AKAP6: variants seen among roughly 807,000 people sequenced by gnomAD.
The protein encoded by AKAP6 is A-kinase anchor protein 6.
AKAP6 carries 58 observed loss-of-function variants against 188.5 expected under a neutral mutation model. The ratio of observed to expected loss-of-function variants is 0.31; its 90% CI spans 0.25 to 0.38. The LOEUF (loss-of-function observed/expected upper bound fraction) is 0.38. Ranked by LOEUF, AKAP6 falls within the 10% of genes least tolerant of loss-of-function variation. The pLI, the probability that AKAP6 is intolerant of heterozygous loss-of-function variation, is 1.00. For missense variants in AKAP6, 2,710 were observed against 2,740.0 expected, an observed-to-expected ratio of 0.99 and a Z score of 0.24; for synonymous variants, 989 against 998.6, an observed-to-expected ratio of 0.99 and a Z score of 0.18.
intron 1 of AKAP6, among the ~76,000 whole-genome samples, chr14:32,348,728 T>G (rs566073364): frequency 1.3e-5 from 2 of 152,284 alleles, no homozygotes; most frequent in East Asian, 1.9e-4. Flanking sequence ...GTGTTTCTTT[T>G]GCAGTGCTTT....
At chr14:32,793,745 A>T (rs993518328) in intron 12 of AKAP6, among the ~76,000 whole-genome samples, 3 of 151,958 alleles carry the variant, frequency 2.0e-5, no homozygotes, top group Admixed American at 2.0e-4. Context: ...ATCAACGATT[A>T]AAAAAGACAA....
chr14:32,583,438 G>A (rs1390341713), intron 5 of AKAP6, among the ~76,000 whole-genome samples: 3 of 152,208 alleles, frequency 2.0e-5, no homozygotes, highest in African/African-American at 4.8e-5. Context: ...CGGGGGTCAG[G>A]GGTCAGGGAC....
At chr14:32,390,918 C>T (rs184998243) in intron 1 of AKAP6, among the ~76,000 whole-genome samples, 14 of 152,232 alleles carry the variant, frequency 9.2e-5, no homozygotes, top group South Asian at 2.1e-4. Context: ...GCCTCCTGTC[C>T]GCCATGATCC....
intron 7 of AKAP6, among the ~76,000 whole-genome samples, chr14:32,632,715 A>G (rs950260838): frequency 6.6e-6 from 1 of 152,100 alleles, no homozygotes; most frequent in African/African-American, 2.4e-5. Flanking sequence ...GAGCAGGGGC[A>G]AGAGACTGGG....
chr14:32,365,759 A>G (rs1887812454), intron 1 of AKAP6, among the ~76,000 whole-genome samples: 1 of 151,704 alleles, frequency 6.6e-6, no homozygotes, highest in Non-Finnish European at 1.5e-5. Context: ...TCACCTCCCC[A>G]CTTCTCCTGG....
chr14:32,346,234 A>G (rs1470070382), intron 1 of AKAP6, among the ~76,000 whole-genome samples: 1 of 152,176 alleles, frequency 6.6e-6, no homozygotes, highest in African/African-American at 2.4e-5. Context: ...CTGGAGCTTC[A>G]TGAGATTCTA....
intron 10 of AKAP6, among the ~76,000 whole-genome samples, chr14:32,735,002 A>G (rs887838317): frequency 5.3e-5 from 8 of 152,160 alleles, no homozygotes; most frequent in African/African-American, 1.9e-4. Context: ...TGAATTGGGG[A>G]TTATTTTAAC....
At chr14:32,553,085 C>T (rs189106902) in intron 4 of AKAP6, among the ~76,000 whole-genome samples, 1 of 152,190 alleles carries the variant, frequency 6.6e-6, no homozygotes, top group East Asian at 1.9e-4. Flanking sequence ...GTCCCCACCC[C>T]TCACATTTGT....
In AKAP6 at chr14:32,545,446, T is replaced by A; in HGVS notation, c.793T>A (p.Phe265Ile). The A allele has an allele frequency of 6.2e-7, 1 of 1,613,810 alleles. No individual in the cohort carries two copies. The highest frequency in any genetic ancestry group is 8.5e-7 in the Non-Finnish European group (1 of 1,179,948). ...GAGCTACAGTGAGATGGAAAAGGAG[T>A]TTCCTGAGCTTATCCGAAGTGTTGG... Reference protein sequence around the residue: ...SWSYSEMEKEFPELIRSVGLL... With the variant: ...SWSYSEMEKEIPELIRSVGLL... Residue 265 changes from phenylalanine (F) to isoleucine (I), a missense_variant, in exon 4 of 14, where the codon TTT (phenylalanine) becomes ATT (isoleucine). By Grantham distance (21) the Phe-to-Ile change is conservative. Coordinates refer to ENST00000280979, the MANE Select transcript of AKAP6 (RefSeq NM_004274.5).
chr14:32,730,715 C>A (rs2031133901), intron 9 of AKAP6, among the ~76,000 whole-genome samples: 1 of 152,068 alleles, frequency 6.6e-6, no homozygotes, highest in African/African-American at 2.4e-5. Context: ...AATACTGGTT[C>A]CCCCAATATT....
Position 32,546,380 on chromosome 14 carries a change from C to T in AKAP6, c.1727C>T (p.Pro576Leu), listed in dbSNP as rs1018845226. The T allele has an allele frequency of 6.2e-7, 1 of 1,614,138 alleles. No individual in the cohort carries two copies. Among genetic ancestry groups the T allele is most frequent in the Non-Finnish European group, 8.5e-7 (1 of 1,180,024 alleles). Residue 576 changes from proline (P) to leucine (L), a missense_variant, in exon 4 of 14, where the codon CCA (proline) becomes CTA (leucine). Physicochemically the swap from Pro to Leu is moderately conservative, Grantham distance 98 (BLOSUM62 -3). Around this residue, in one of 2 missense-constraint regions of AKAP6, gnomAD observed 2,473 missense variants for 2,426.1 expected, o/e 1.02. Coordinates refer to ENST00000280979, the MANE Select transcript of AKAP6 (RefSeq NM_004274.5). Reference protein sequence around the residue: ...LQLQSETSSSPAFTQSSESSV... With the variant: ...LQLQSETSSSLAFTQSSESSV... ...TTGCAGTCAGAAACATCCAGTTCAC[C>T]AGCTTTTACTCAGAGCAGTGAATCC... is the stretch of plus-strand genomic sequence containing the variant.
intron 2 of AKAP6, among the ~76,000 whole-genome samples, chr14:32,444,630 G>T (rs1386930753): frequency 6.6e-6 from 1 of 152,170 alleles, no homozygotes; most frequent in African/African-American, 2.4e-5. Context: ...TTCAATATGG[G>T]AAGTGATCTG....
intron 2 of AKAP6, among the ~76,000 whole-genome samples, chr14:32,452,234 T>C (rs1035974580): frequency 6.6e-6 from 1 of 151,632 alleles, no homozygotes; most frequent in Non-Finnish European, 1.5e-5. Context: ...GGCTTTTGCC[T>C]TGTTGCCCAG....
At chr14:32,363,017 T>C (rs1045267322) in intron 1 of AKAP6, among the ~76,000 whole-genome samples, 2 of 152,170 alleles carry the variant, frequency 1.3e-5, no homozygotes, top group Admixed American at 6.5e-5. Flanking sequence ...CAAAGATGAC[T>C]TTGGGGTTTG....
intron 4 of AKAP6, among the ~76,000 whole-genome samples, chr14:32,548,367 G>T (rs1883293848): frequency 1.3e-5 from 2 of 151,796 alleles, no homozygotes; most frequent in Non-Finnish European, 2.9e-5. Context: ...ATCCCAAAGT[G>T]CTGGGATTAC....
rs1291873643 is a variant in AKAP6, at chr14:32,715,711, C to A, written c.3001-16743C>A. On this transcript the variant is annotated intron_variant, in intron 9 of 13. Transcript: ENST00000280979. ...AAGACAAACTGGAGAAGAGGAAAAT[C>A]AGTGACAAACCATATAGCTTTTATC... Among the ~76,000 whole-genome samples, 3 of 151,784 alleles carry A rather than the reference C, an allele frequency of 2.0e-5. No homozygotes were observed. In the South Asian group the frequency reaches 6.2e-4, roughly 31 times the overall value.
intron 2 of AKAP6, among the ~76,000 whole-genome samples, chr14:32,490,384 T>A (rs1879947772): frequency 6.6e-6 from 1 of 152,180 alleles, no homozygotes; most frequent in African/African-American, 2.4e-5. Context: ...TATATTCAGA[T>A]CACCATATAA....
chr14:32,575,973 A>G (rs1208283042), intron 4 of AKAP6, among the ~76,000 whole-genome samples: 1 of 151,690 alleles, frequency 6.6e-6, no homozygotes, highest in Non-Finnish European at 1.5e-5. Context: ...CCACAATTCC[A>G]TTTTCTCTTT....
chr14:32,459,883 T>A lies in AKAP6; in HGVS notation c.324+26066T>A, dbSNP rs1007332525. On this transcript the variant is annotated intron_variant, in intron 2 of 13. Coordinates refer to ENST00000280979, the MANE Select transcript of AKAP6 (RefSeq NM_004274.5). ...AAGAAATAAGGACATATTTTTCCCA[T>A]AAATAGTTACTGCGGAATCTCCTGG... is the stretch of plus-strand genomic sequence containing the variant. Among the ~76,000 whole-genome samples the A allele has an allele frequency of 1.1e-4, 17 of 152,186 alleles. No homozygotes were observed. In the East Asian group the frequency reaches 1.4e-3, roughly 12 times the overall value.
Sources: allele counts gnomAD v4.1 joint callset (sites outside exome capture counted in the v4.1 genomes callset), GRCh38; gene constraint gnomAD v4.1.1; regional missense constraint gnomAD v4.1.1; transcripts MANE v1.5; gene names NCBI Gene and HGNC (gene_info 2026-07-23, HGNC 2026-07-21).